The following ADNP2 variants were observed in gnomAD, a reference collection of about 807,000 sequenced individuals.
The protein encoded by ADNP2 is activity-dependent neuroprotector homeobox protein 2.
Under a neutral mutation model 16.4 loss-of-function variants are expected in ADNP2, and 8 were observed. The observed-to-expected ratio is 0.49, with a 90% confidence interval of 0.29 to 0.88. ADNP2 has a LOEUF of 0.88. Ranked by LOEUF, ADNP2 falls within the 40% of genes least tolerant of loss-of-function variation. The pLI is 0.09. For missense variants in ADNP2, 1,397 were observed against 1,395.1 expected (o/e 1.00, Z -0.02); for synonymous variants, 637 against 545.8 (o/e 1.17, Z -2.33).
chr18:80,125,570 G>A (rs1470699778), intron 2 of ADNP2, among the ~76,000 whole-genome samples: 2 of 152,118 alleles, frequency 1.3e-5, no homozygotes, highest in African/African-American at 2.4e-5. Context: ...GTGAACCTGG[G>A]AGGTGGAGCT....
At chr18:80,131,449 G>A (rs919060936) in intron 2 of ADNP2, among the ~76,000 whole-genome samples, 2 of 152,086 alleles carry the variant, frequency 1.3e-5, no homozygotes, top group African/African-American at 4.8e-5. Context: ...TTGTTTAACT[G>A]CTTTGAAAGG....
At chr18:80,116,847 G>C (rs1208923782) in intron 1 of ADNP2, among the ~76,000 whole-genome samples, 1 of 152,096 alleles carries the variant, frequency 6.6e-6, no homozygotes, top group African/African-American at 2.4e-5. Flanking sequence ...TGTTGCCCTG[G>C]CTGGTCTTCA....
Position 80,135,656 on chromosome 18 carries a change from TAC to T in ADNP2, c.245_246del (p.Thr82LysfsTer15), listed in dbSNP as rs2052526807. 1 of 1,614,114 alleles carries T rather than the reference TAC, an allele frequency of 6.2e-7. No individual in the cohort carries two copies. The highest frequency in any genetic ancestry group is 8.5e-7 in the Non-Finnish European group (1 of 1,180,052). ...ACTGTTGTGGCCTCTGTAAATACTCTACAAAGGTGCTTACTTCATTCAAGAAT... is the reference window on the plus strand; with the variant it reads ...ACTGTTGTGGCCTCTGTAAATACTCTAAAGGTGCTTACTTCATTCAAGAAT... ...PYCCGLCKYS[T>X]KVLTSFKNHL... On this transcript the variant is annotated frameshift_variant, in exon 4 of 4. Coordinates refer to ENST00000262198, the MANE Select transcript of ADNP2 (RefSeq NM_014913.4). LOFTEE classifies it low-confidence loss of function (END_TRUNC).
chr18:80,128,771 CTA>C (rs538468082), intron 2 of ADNP2, among the ~76,000 whole-genome samples: 113 of 152,154 alleles, frequency 7.4e-4, no homozygotes, highest in African/African-American at 2.6e-3. Flanking sequence ...ATTGTATTAA[CTA>C]TTTTTCTGTA....
chr18:80,122,359 G>A (rs1251942754), intron 2 of ADNP2, among the ~76,000 whole-genome samples: 1 of 152,136 alleles, frequency 6.6e-6, no homozygotes, highest in Non-Finnish European at 1.5e-5. Flanking sequence ...ATGAATATGA[G>A]GATAGACTTT....
chr18:80,121,634 C>T (rs1346538984), intron 2 of ADNP2, among the ~76,000 whole-genome samples: 1 of 152,110 alleles, frequency 6.6e-6, no homozygotes, highest in Non-Finnish European at 1.5e-5. Context: ...AAATTTTCTC[C>T]TATGTTTTTC....
chr18:80,127,473 T>G (rs1258282885), intron 2 of ADNP2, among the ~76,000 whole-genome samples: 1 of 151,996 alleles, frequency 6.6e-6, no homozygotes, highest in Admixed American at 6.6e-5. Context: ...ATTTTTCATG[T>G]TAGTGCATTT....
chr18:80,120,949 C>A (rs922742325), intron 2 of ADNP2, among the ~76,000 whole-genome samples: 4 of 152,158 alleles, frequency 2.6e-5, no homozygotes, highest in African/African-American at 9.7e-5. Context: ...CATTGGTGCA[C>A]AAGTATTTGT....
chr18:80,117,589 G>A lies in ADNP2; in HGVS notation c.47G>A (p.Arg16Gln). The A allele has an allele frequency of 6.2e-7, 1 of 1,602,878 alleles. No homozygotes were observed. The highest frequency in any genetic ancestry group is 1.8e-5 in the Admixed American group (1 of 56,058). Residue 16 changes from arginine (R) to glutamine (Q), a missense_variant, in exon 2 of 4, where the codon CGA becomes CAA. Arg to Gln is a conservative substitution (Grantham distance 43). Coordinates refer to ENST00000262198, the MANE Select transcript of ADNP2 (RefSeq NM_014913.4). ...VENLDNIRKV[R>Q]KKVKGILVDI... ...AATCTTGACAACATCAGAAAGGTGC[G>A]AAAAAAGGTGAAAGGTATTCTTGTG...
intron 1 of ADNP2, among the ~76,000 whole-genome samples, chr18:80,112,768 G>A (rs925043951): frequency 6.6e-6 from 1 of 152,134 alleles, no homozygotes; most frequent in South Asian, 2.1e-4. Context: ...GCTTTTAAAA[G>A]TCCACCAGTC....
intron 2 of ADNP2, among the ~76,000 whole-genome samples, chr18:80,122,757 T>C (rs965067537): frequency 2.0e-5 from 3 of 152,246 alleles, no homozygotes; most frequent in African/African-American, 7.2e-5. Flanking sequence ...AATCATGCAT[T>C]CTGCAAATAA....
intron 2 of ADNP2, among the ~76,000 whole-genome samples, chr18:80,118,032 T>A (rs1175513434): frequency 6.6e-6 from 1 of 152,198 alleles, no homozygotes; most frequent in Non-Finnish European, 1.5e-5. Context: ...TAGTTGTATA[T>A]GTGATCTCAG....
rs975545572 is a variant in ADNP2, at chr18:80,139,570, T to C, written c.*761T>C. On this transcript the variant is annotated 3_prime_UTR_variant, in exon 4 of 4. Coordinates refer to ENST00000262198, the MANE Select transcript of ADNP2 (RefSeq NM_014913.4). ...ATTTTTCAGTGTAGATTTTCCCTTT[T>C]GATATGCTAAGTCATTTCTCCGTTC... 1.3e-5 allele frequency: 2 copies of C among 152,170 alleles called. No homozygotes were observed. Among genetic ancestry groups the C allele is most frequent in the Non-Finnish European group, 2.9e-5 (2 of 67,920 alleles). The allele number at this position is 152,170 out of a possible 1,614,324, so 9.4% of individuals were successfully genotyped here. A position where few individuals can be genotyped will look rare whatever the true frequency, so the allele number is the denominator to read the frequency against.
rs1440483661 is a variant in ADNP2, at chr18:80,130,960, G to A, written c.109-2143G>A. On this transcript the variant is annotated intron_variant, in intron 2 of 3. Coordinates refer to ENST00000262198, the MANE Select transcript of ADNP2 (RefSeq NM_014913.4). ...TGGTTGGGTTCCCAGAGTCCAAAAGGAAATATTTGAGGGTTGGATTAGTGA... is the reference window on the plus strand; with the variant it reads ...TGGTTGGGTTCCCAGAGTCCAAAAGAAAATATTTGAGGGTTGGATTAGTGA... Among the ~76,000 whole-genome samples, 4 of 152,208 alleles carry A rather than the reference G, an allele frequency of 2.6e-5. No homozygotes were observed. In the East Asian group the frequency reaches 7.7e-4, roughly 29 times the overall value.
intron 2 of ADNP2, among the ~76,000 whole-genome samples, chr18:80,118,301 G>A (rs777717562): frequency 3.9e-5 from 6 of 152,090 alleles, no homozygotes; most frequent in Non-Finnish European, 5.9e-5. Context: ...GGTGGCGGGC[G>A]CCTGTAGTTG....
In ADNP2 at chr18:80,136,156, G is replaced by A. The variant is rs778430503; in HGVS notation, c.743G>A (p.Arg248Lys). ...CACAGAGATTTGGAGAATAAGCTTA[G>A]ATCTGTGATTTCAGAACATATTAAG... ...DIHRDLENKL[R>K]SVISEHIKRT... is the part of the protein sequence containing the mutation. Residue 248 changes from arginine to lysine, a missense_variant, in exon 4 of 4, where the codon AGA (arginine) becomes AAA (lysine). Around this residue, in one of 3 missense-constraint regions of ADNP2, gnomAD observed 777 missense variants for 719.4 expected, o/e 1.08. Transcript: ENST00000262198. The A allele has an allele frequency of 6.2e-7, 1 of 1,614,246 alleles. No homozygotes were observed. The highest frequency in any genetic ancestry group is 8.5e-7 in the Non-Finnish European group (1 of 1,180,036).
intron 2 of ADNP2, among the ~76,000 whole-genome samples, chr18:80,132,629 T>C (rs2052504334): frequency 6.6e-6 from 1 of 151,774 alleles, no homozygotes; most frequent in Admixed American, 6.6e-5. Flanking sequence ...CTTTTTTCTC[T>C]TTCTCTCTTT....
intron 2 of ADNP2, among the ~76,000 whole-genome samples, chr18:80,126,814 A>T (rs964302064): frequency 6.6e-6 from 1 of 152,100 alleles, no homozygotes; most frequent in African/African-American, 2.4e-5. Flanking sequence ...TGTCCCTGAT[A>T]CTCAATTACA....
rs201482998 is a variant in ADNP2 at position 80,137,849 on chromosome 18, C to T, written c.2436C>T (p.Val812=). ...GCAACAGAGGTTTTCAATTAGATGT[C>T]GATGCCAATGGCAACCTGCTCTTTC... ...DYSNRGFQLD[V]DANGNLLFPH... Residue 812 remains valine, a synonymous_variant, in exon 4 of 4, where the codon GTC becomes GTT. Transcript: ENST00000262198. This position sits in a 1 kb window ranked among gnomAD's most constrained non-coding sequence, Gnocchi z 4.2. The T allele has an allele frequency of 4.2e-5, 67 of 1,613,980 alleles. 1 individual carries two copies. The highest frequency in any genetic ancestry group is 8.0e-5 in the African/African-American group (6 of 74,984).
Sources: allele counts gnomAD v4.1 joint callset (sites outside exome capture counted in the v4.1 genomes callset), GRCh38; gene constraint gnomAD v4.1.1; regional missense constraint gnomAD v4.1.1; non-coding constraint Gnocchi (gnomAD v3.1); transcripts MANE v1.5; gene names NCBI Gene and HGNC (gene_info 2026-07-23, HGNC 2026-07-21).